Variants in SGCZ observed in about 807,000 individuals in gnomAD.
SGCZ encodes zeta-sarcoglycan.
SGCZ carries 40 observed loss-of-function variants against 41.3 expected under a neutral mutation model. That is an observed-to-expected ratio of 0.97 (90% CI 0.75 to 1.26). The LOEUF (loss-of-function observed/expected upper bound fraction) is 1.26. SGCZ is among the 50% of genes most tolerant of loss of function. SGCZ has a pLI of 0.00. For synonymous variants in SGCZ, 206 were observed against 137.5 expected, an observed-to-expected ratio of 1.50 and a Z score of -3.49; for missense variants, 552 against 369.8, an observed-to-expected ratio of 1.49 and a Z score of -4.04.
At chr8:14,137,315 G>A (rs1563147406) in intron 5 of SGCZ, among the ~76,000 whole-genome samples, 1 of 152,224 alleles carries the variant, frequency 6.6e-6, no homozygotes, top group Non-Finnish European at 1.5e-5. Flanking sequence ...AACAAAGATG[G>A]GCGGAGAATG....
intron 1 of SGCZ, among the ~76,000 whole-genome samples, chr8:15,040,380 C>G (rs1804047302): frequency 6.6e-6 from 1 of 151,998 alleles, no homozygotes; most frequent in Admixed American, 6.6e-5. Flanking sequence ...TTTGAAAGGC[C>G]GAGGCGGACG....
intron 1 of SGCZ, among the ~76,000 whole-genome samples, chr8:14,862,437 G>T (rs930529680): frequency 6.6e-6 from 1 of 150,806 alleles, no homozygotes; most frequent in Non-Finnish European, 1.5e-5. Context: ...ATGGTATAAT[G>T]CACGAATTAT....
rs1202306930 is a variant in SGCZ at position 14,726,311 on chromosome 8, C to CATATATATATATATATAT, written c.40-171386_40-171385insATATATATATATATATAT. 3.4e-3 allele frequency among the ~76,000 whole-genome samples: 363 copies of CATATATATATATATATAT among 107,512 alleles called. 7 individuals carry two copies. The highest frequency in any genetic ancestry group is 5.0e-3 in the Non-Finnish European group (270 of 53,820). The allele number at this position is 107,512 out of a possible 152,430, so 70.5% of individuals were successfully genotyped here. A position where few individuals can be genotyped will look rare whatever the true frequency, so the allele number is the denominator to read the frequency against. Reference sequence around the variant, plus strand: ...GTGTGTGTGTGTATATGTGTAAATACATATATATATATCTATATATATATA... The same window carrying CATATATATATATATATAT: ...GTGTGTGTGTGTATATGTGTAAATACATATATATATATATATATATATATATATATCTATATATATATA... On this transcript the variant is annotated intron_variant, in intron 1 of 7. Transcript: ENST00000382080.
chr8:14,897,256 G>A (rs958425396), intron 1 of SGCZ, among the ~76,000 whole-genome samples: 4 of 152,106 alleles, frequency 2.6e-5, no homozygotes, highest in Admixed American at 6.5e-5. Flanking sequence ...TAATAATTAC[G>A]TATATAATAA....
At chr8:14,673,953 A>G (rs1424315341) in intron 1 of SGCZ, among the ~76,000 whole-genome samples, 2 of 152,188 alleles carry the variant, frequency 1.3e-5, no homozygotes, top group Non-Finnish European at 2.9e-5. Context: ...AAGAAAGGTA[A>G]TTGGCAGTAA....
intron 2 of SGCZ, among the ~76,000 whole-genome samples, chr8:14,483,892 C>T (rs1237390193): frequency 2.0e-5 from 3 of 152,126 alleles, no homozygotes; most frequent in East Asian, 1.9e-4. Flanking sequence ...ATCAAGTTTA[C>T]TCCTTTATGT....
chr8:15,183,433 T>C (rs752517996), intron 1 of SGCZ, among the ~76,000 whole-genome samples: 13 of 152,222 alleles, frequency 8.5e-5, no homozygotes, highest in Non-Finnish European at 1.8e-4. Context: ...GGTATCACCA[T>C]GGTATATGTG....
At chr8:14,593,521 T>G (rs1805307277) in intron 1 of SGCZ, among the ~76,000 whole-genome samples, 1 of 152,166 alleles carries the variant, frequency 6.6e-6, no homozygotes. Flanking sequence ...CCAAGAAAAT[T>G]TTAATTAAAA....
chr8:14,479,731 C>CTTTTTTTTTTTTTTCTTTTTTTTTT, intron 2 of SGCZ, among the ~76,000 whole-genome samples: 1 of 52,976 alleles, frequency 1.9e-5, no homozygotes, highest in Admixed American at 2.3e-4. Context: ...AATTCTACTT[C>CTTTTTTTTTTTTTTCTTTTTTTTTT]TTTTTTTTTT....
chr8:14,164,028 T>A (rs1003369833), intron 5 of SGCZ, among the ~76,000 whole-genome samples: 9 of 152,178 alleles, frequency 5.9e-5, no homozygotes, highest in Non-Finnish European at 1.3e-4. Flanking sequence ...TTACCTTTTT[T>A]AAAATTTTAA....
chr8:14,384,835 G>C (rs1804509458), intron 2 of SGCZ, among the ~76,000 whole-genome samples: 1 of 152,236 alleles, frequency 6.6e-6, no homozygotes, highest in Non-Finnish European at 1.5e-5. Flanking sequence ...ACAAGCGTGA[G>C]ATACTGCACC....
At chr8:15,035,765 T>C (rs1330426116) in intron 1 of SGCZ, among the ~76,000 whole-genome samples, 4 of 152,040 alleles carry the variant, frequency 2.6e-5, no homozygotes, top group African/African-American at 9.7e-5. Flanking sequence ...AATAAAGGGA[T>C]CAATTTATCA....
intron 1 of SGCZ, among the ~76,000 whole-genome samples, chr8:15,029,039 A>G (rs1452746331): frequency 1.3e-5 from 2 of 152,112 alleles, no homozygotes; most frequent in East Asian, 3.9e-4. Flanking sequence ...TTACAACATC[A>G]ATGCCTAATT....
At chr8:15,218,861 G>C (rs1801501046) in intron 1 of SGCZ, among the ~76,000 whole-genome samples, 1 of 152,146 alleles carries the variant, frequency 6.6e-6, no homozygotes, top group South Asian at 2.1e-4. Context: ...CCATTTGAGG[G>C]AATCGACATT....
At chr8:14,388,951 AT>A (rs1162617811) in intron 2 of SGCZ, among the ~76,000 whole-genome samples, 1 of 152,102 alleles carries the variant, frequency 6.6e-6, no homozygotes, top group Non-Finnish European at 1.5e-5. Context: ...TCTGAATAAC[AT>A]TGTACAATAA....
intron 1 of SGCZ, among the ~76,000 whole-genome samples, chr8:15,184,492 T>C (rs76281717): frequency 0.017 from 2,637 of 151,816 alleles, 85 homozygotes; most frequent in African/African-American, 0.061. Flanking sequence ...ACTCTTCACC[T>C]CTCATGCATT....
intron 3 of SGCZ, among the ~76,000 whole-genome samples, chr8:14,290,622 A>G (rs1800807700): frequency 6.6e-6 from 1 of 152,184 alleles, no homozygotes; most frequent in African/African-American, 2.4e-5. Context: ...ATGCAAATAA[A>G]AACTTCAATG....
intron 2 of SGCZ, among the ~76,000 whole-genome samples, chr8:14,517,496 G>T (rs1802657829): frequency 6.6e-6 from 1 of 152,044 alleles, no homozygotes; most frequent in Non-Finnish European, 1.5e-5. Context: ...TTTTAACAAA[G>T]TGCTAAAATA....
intron 1 of SGCZ, among the ~76,000 whole-genome samples, chr8:14,802,171 A>C (rs1440063807): frequency 6.6e-6 from 1 of 152,184 alleles, no homozygotes; most frequent in African/African-American, 2.4e-5. Context: ...CTAGAAAGGC[A>C]AGGGGAAAAC....
Sources: gnomAD v4.1 joint callset for allele counts (sites outside exome capture counted in the v4.1 genomes callset) on GRCh38, gnomAD v4.1.1 for gene constraint, MANE v1.5 for transcripts, NCBI Gene and HGNC (gene_info 2026-07-23, HGNC 2026-07-21) for gene names.